The following ACYP2 variants were observed in gnomAD, a reference collection of about 807,000 sequenced individuals.
The protein encoded by ACYP2 is acylphosphatase-2.
A neutral mutation model predicts 11.2 loss-of-function variants in ACYP2; 12 were observed. The ratio of observed to expected loss-of-function variants is 1.08; its 90% CI spans 0.69 to 1.74. The LOEUF is 1.74. Ranked by LOEUF, ACYP2 falls within the 40% of genes most tolerant of loss-of-function variation. The pLI is 0.00. For synonymous variants in ACYP2, 43 were observed against 32.2 expected, an observed-to-expected ratio of 1.33 and a Z score of -1.13; for missense variants, 134 against 101.9, an observed-to-expected ratio of 1.31 and a Z score of -1.35.
At chr2:54,301,550 T>C (rs1328196521) in intron 6 of ACYP2, among the ~76,000 whole-genome samples, 1 of 152,176 alleles carries the variant, frequency 6.6e-6, no homozygotes, top group Non-Finnish European at 1.5e-5. Flanking sequence ...CTAGAATGAC[T>C]TGCGTAAAGT....
At chr2:54,194,090 G>C (rs1224625839) in intron 6 of ACYP2, among the ~76,000 whole-genome samples, 1 of 151,998 alleles carries the variant, frequency 6.6e-6, no homozygotes, top group African/African-American at 2.4e-5. Flanking sequence ...CCAGGCTGGA[G>C]TGCAATGGCA....
chr2:54,036,538 A>T (rs1674914855), intron 2 of ACYP2, among the ~76,000 whole-genome samples: 1 of 152,182 alleles, frequency 6.6e-6, no homozygotes, highest in South Asian at 2.1e-4. Context: ...CAGGATTCAG[A>T]TTATGATTTG....
chr2:54,189,347 C>T (rs1170243982), intron 6 of ACYP2, among the ~76,000 whole-genome samples: 1 of 152,166 alleles, frequency 6.6e-6, no homozygotes, highest in African/African-American at 2.4e-5. Flanking sequence ...CTCCACCTAA[C>T]CACTGCCTTA....
chr2:54,152,518 A>G (rs1201470633), intron 6 of ACYP2, among the ~76,000 whole-genome samples: 1 of 152,138 alleles, frequency 6.6e-6, no homozygotes, highest in Non-Finnish European at 1.5e-5. Context: ...TTGTTCCACT[A>G]CACTAAAAAT....
chr2:54,021,188 G>A (rs1249377232), intron 2 of ACYP2, among the ~76,000 whole-genome samples: 1 of 152,138 alleles, frequency 6.6e-6, no homozygotes, highest in Non-Finnish European at 1.5e-5. Flanking sequence ...GAGTAGTTTG[G>A]CACGAAGGGT....
intron 6 of ACYP2, among the ~76,000 whole-genome samples, chr2:54,139,591 C>T (rs376730723): frequency 2.0e-5 from 3 of 152,152 alleles, no homozygotes; most frequent in African/African-American, 7.2e-5. Context: ...ATGCTAAGTA[C>T]CTTGTATGAA....
At chr2:54,269,575 GA>G (rs1300120993) in intron 6 of ACYP2, among the ~76,000 whole-genome samples, 1 of 152,168 alleles carries the variant, frequency 6.6e-6, no homozygotes, top group Non-Finnish European at 1.5e-5. Context: ...GTGCCTTTGG[GA>G]AATGTGAGTG....
chr2:54,150,834 C>T (rs1332939753), intron 6 of ACYP2, among the ~76,000 whole-genome samples: 2 of 149,782 alleles, frequency 1.3e-5, no homozygotes, highest in African/African-American at 4.9e-5. Context: ...CTCCGCCTCC[C>T]GGGTTCATAC....
intron 4 of ACYP2, chr2:54,123,479 T>C (rs1297773002): frequency 2.5e-6 from 1 of 398,412 alleles, no homozygotes; most frequent in Non-Finnish European, 4.4e-6. Context: ...TTAACAAAAT[T>C]GAGATATAAT....
rs369009260 is a variant in ACYP2 at position 54,255,724 on chromosome 2, G to A, written c.405-48964G>A. On this transcript the variant is annotated intron_variant, in intron 6 of 6. Transcript: ENST00000607452. The stretch of plus-strand genomic sequence containing the variant: ...CTTCACGTCCTCGGCCTTCCCCTCT[G>A]CAATCACTTCAGACTCCGACCTCCC... 25 of 1,613,882 alleles carry A rather than the reference G, an allele frequency of 1.5e-5. No homozygotes were observed. Among genetic ancestry groups the A allele is most frequent in the African/African-American group, 4.0e-5 (3 of 75,010 alleles).
intron 2 of ACYP2, among the ~76,000 whole-genome samples, chr2:54,038,092 A>G (rs529761906): frequency 1.3e-5 from 2 of 152,384 alleles, no homozygotes; most frequent in South Asian, 2.1e-4. Flanking sequence ...GAAGTAGGAA[A>G]AACAAGCTGG....
At chr2:54,098,089 A>T (rs1678693517) in intron 4 of ACYP2, among the ~76,000 whole-genome samples, 1 of 149,956 alleles carries the variant, frequency 6.7e-6, no homozygotes, top group African/African-American at 2.5e-5. Flanking sequence ...CAGCCTCCCC[A>T]GTAGCTGGTA....
At chr2:54,004,563 A>G (rs1411987387) in intron 2 of ACYP2, among the ~76,000 whole-genome samples, 1 of 151,400 alleles carries the variant, frequency 6.6e-6, no homozygotes, top group Non-Finnish European at 1.5e-5. Flanking sequence ...GGCGCCTGCA[A>G]CCATGCCTGG....
At chr2:54,255,539 G>C in intron 6 of ACYP2, 1 of 1,613,662 alleles carries the variant, frequency 6.2e-7, no homozygotes. Flanking sequence ...ATGGACTCCA[G>C]GGGGTTCAGG....
intron 6 of ACYP2, among the ~76,000 whole-genome samples, chr2:54,249,922 C>T (rs888238199): frequency 1.8e-5 from 2 of 108,760 alleles, no homozygotes; most frequent in African/African-American, 7.4e-5. Context: ...GCCTTGGCAA[C>T]AGAGCAAGAC....
chr2:54,052,953 C>T (rs1331234001), intron 3 of ACYP2, among the ~76,000 whole-genome samples: 2 of 152,222 alleles, frequency 1.3e-5, no homozygotes, highest in Non-Finnish European at 2.9e-5. Context: ...TTCACTGACT[C>T]ATCTATTAAA....
Position 54,082,945 on chromosome 2 carries a change from A to C in ACYP2, c.277+25585A>C, listed in dbSNP as rs558680653. Among the ~76,000 whole-genome samples, 190 of 152,082 alleles carry C rather than the reference A, an allele frequency of 1.2e-3. 2 individuals carry two copies. Among genetic ancestry groups the C allele is most frequent in the African/African-American group, 4.4e-3 (182 of 41,516 alleles). On this transcript the variant is annotated intron_variant, in intron 4 of 6. Transcript: ENST00000607452. ...CAAAAATTAGCTGGGCTTGGTGGTG[A>C]GCATCTGTAATCCCAGCTATTTGGG...
chr2:54,204,555 TTATAAG>T (rs1684996186), intron 6 of ACYP2, among the ~76,000 whole-genome samples: 1 of 152,198 alleles, frequency 6.6e-6, no homozygotes, highest in African/African-American at 2.4e-5. Flanking sequence ...TATTTTGCTT[TTATAAG>T]TAAATATCCT....
chr2:53,989,009 A>G (rs1239527197), intron 2 of ACYP2, among the ~76,000 whole-genome samples: 1 of 151,578 alleles, frequency 6.6e-6, no homozygotes, highest in Non-Finnish European at 1.5e-5. Flanking sequence ...CGGCCTCCCA[A>G]AGTGCTGGGA....
Sources: allele counts gnomAD v4.1 joint callset (sites outside exome capture counted in the v4.1 genomes callset), GRCh38; gene constraint gnomAD v4.1.1; transcripts MANE v1.5; gene names NCBI Gene and HGNC (gene_info 2026-07-23, HGNC 2026-07-21).